The following MGAT4C variants were observed in gnomAD, a reference collection of about 807,000 sequenced individuals.
The protein encoded by MGAT4C is MGAT4 family member C.
MGAT4C carries 19 observed loss-of-function variants against 40.1 expected under a neutral mutation model. That is an observed-to-expected ratio of 0.47 (90% CI 0.33 to 0.70). The LOEUF is 0.70. MGAT4C is among the 30% of genes least tolerant of loss of function. The pLI, the probability that MGAT4C is intolerant of heterozygous loss-of-function variation, is 0.02. For synonymous variants in MGAT4C, 181 were observed against 187.1 expected (o/e 0.97, Z 0.27); for missense variants, 491 against 563.2 (o/e 0.87, Z 1.30).
At chr12:86,759,291 A>G (rs1259008561) in intron 1 of MGAT4C, among the ~76,000 whole-genome samples, 1 of 152,016 alleles carries the variant, frequency 6.6e-6, no homozygotes, top group Non-Finnish European at 1.5e-5. Flanking sequence ...TCATTTGTGG[A>G]GGAACATCCA....
intron 2 of MGAT4C, among the ~76,000 whole-genome samples, chr12:86,559,509 A>C (rs1232089014): frequency 6.6e-6 from 1 of 152,000 alleles, no homozygotes; most frequent in Non-Finnish European, 1.5e-5. Context: ...AAAACTTTAA[A>C]AACTGTAGAA....
chr12:86,702,041 C>T (rs773544026), intron 2 of MGAT4C, among the ~76,000 whole-genome samples: 1 of 151,964 alleles, frequency 6.6e-6, no homozygotes, highest in Non-Finnish European at 1.5e-5. Flanking sequence ...TTTTTTCTCT[C>T]AAATAAGGTC....
chr12:86,392,502 C>T (rs1956177370), intron 3 of MGAT4C, among the ~76,000 whole-genome samples: 1 of 151,348 alleles, frequency 6.6e-6, no homozygotes, highest in Admixed American at 6.6e-5. Context: ...AACAACAAAC[C>T]AGAAGAATTA....
At chr12:86,295,797 G>A (rs974386891) in intron 4 of MGAT4C, among the ~76,000 whole-genome samples, 7 of 151,684 alleles carry the variant, frequency 4.6e-5, no homozygotes, top group African/African-American at 1.5e-4. Flanking sequence ...AAGGCCCCAC[G>A]AGAGCAGCTA....
intron 1 of MGAT4C, among the ~76,000 whole-genome samples, chr12:86,208,681 T>C (rs1037585448): frequency 2.6e-5 from 4 of 152,126 alleles, no homozygotes; most frequent in African/African-American, 4.8e-5. Flanking sequence ...ATTTTTGCCC[T>C]GTTTAACTTT....
At chr12:86,054,221 GA>G (rs1470149764) in intron 1 of MGAT4C, among the ~76,000 whole-genome samples, 3 of 151,894 alleles carry the variant, frequency 2.0e-5, no homozygotes, top group Non-Finnish European at 2.9e-5. Context: ...AATGGATAAA[GA>G]AAAACTATTC....
intron 2 of MGAT4C, among the ~76,000 whole-genome samples, chr12:86,436,533 T>C (rs1475364505): frequency 6.6e-6 from 1 of 151,722 alleles, no homozygotes; most frequent in Non-Finnish European, 1.5e-5. Flanking sequence ...CCACTAACAT[T>C]TTCATGTTTA....
intron 4 of MGAT4C, among the ~76,000 whole-genome samples, chr12:86,288,607 C>CTT (rs1953419314): frequency 6.6e-6 from 1 of 152,098 alleles, no homozygotes; most frequent in African/African-American, 2.4e-5. Flanking sequence ...ATAGGGAATC[C>CTT]TTTCCCTATT....
intron 2 of MGAT4C, among the ~76,000 whole-genome samples, chr12:86,476,313 T>C (rs1425736301): frequency 6.6e-6 from 1 of 151,852 alleles, no homozygotes; most frequent in Non-Finnish European, 1.5e-5. Flanking sequence ...GACATACAAG[T>C]GGCCAAGAAA....
intron 1 of MGAT4C, among the ~76,000 whole-genome samples, chr12:86,145,392 T>A (rs1883382694): frequency 6.6e-6 from 1 of 152,142 alleles, no homozygotes; most frequent in Non-Finnish European, 1.5e-5. Flanking sequence ...TGGGCCCTTG[T>A]GCAAGAAAAA....
At chr12:86,662,850 A>T (rs2136550919) in intron 2 of MGAT4C, among the ~76,000 whole-genome samples, 1 of 152,314 alleles carries the variant, frequency 6.6e-6, no homozygotes, top group Middle Eastern at 3.4e-3. Context: ...AACTTCATTA[A>T]TTCGTGTCAA....
intron 1 of MGAT4C, among the ~76,000 whole-genome samples, chr12:86,241,403 T>C (rs985213933): frequency 2.0e-5 from 3 of 152,214 alleles, no homozygotes; most frequent in African/African-American, 7.2e-5. Flanking sequence ...ACTGGCTGTC[T>C]GAATTCTAAT....
At chr12:86,248,138 T>C (rs1447009337) in intron 1 of MGAT4C, among the ~76,000 whole-genome samples, 1 of 152,130 alleles carries the variant, frequency 6.6e-6, no homozygotes, top group African/African-American at 2.4e-5. Flanking sequence ...ATTTGCTCTT[T>C]AGTGGACATC....
At chr12:86,838,620 C>T (rs180787166) in intron 1 of MGAT4C, 6 of 152,114 alleles carry the variant, frequency 3.9e-5, no homozygotes, top group Non-Finnish European at 8.8e-5. Flanking sequence ...TAGACTATTA[C>T]CTGATAAAGA....
At chr12:86,044,364 G>A (rs769663776) in intron 2 of MGAT4C, among the ~76,000 whole-genome samples, 2 of 152,198 alleles carry the variant, frequency 1.3e-5, no homozygotes, top group African/African-American at 4.8e-5. Flanking sequence ...CATGCCAGCA[G>A]CAGTGGCAGC....
chr12:86,293,820 C>T (rs1295636830), intron 4 of MGAT4C, among the ~76,000 whole-genome samples: 1 of 152,148 alleles, frequency 6.6e-6, no homozygotes, highest in Non-Finnish European at 1.5e-5. Context: ...CCTGCATTCA[C>T]TCACTCCATC....
At chr12:86,299,272 A>C (rs77118597) in intron 4 of MGAT4C, among the ~76,000 whole-genome samples, 4,100 of 152,106 alleles carry the variant, frequency 0.027, 89 homozygotes, top group Admixed American at 0.042. Flanking sequence ...GCATGCCACC[A>C]GGCCCAGCTA....
intron 2 of MGAT4C, among the ~76,000 whole-genome samples, chr12:86,574,305 T>C (rs2136425620): frequency 6.6e-6 from 1 of 151,854 alleles, no homozygotes; most frequent in South Asian, 2.1e-4. Context: ...CAGTGAAAAC[T>C]TCAAGTTCAT....
At chr12:86,807,476 T>A (rs945010236) in intron 1 of MGAT4C, among the ~76,000 whole-genome samples, 1 of 152,154 alleles carries the variant, frequency 6.6e-6, no homozygotes, top group Admixed American at 6.6e-5. Context: ...TGTGGCTGCA[T>A]AGTATTCCAT....
Sources: gnomAD v4.1 joint callset for allele counts (sites outside exome capture counted in the v4.1 genomes callset) on GRCh38, gnomAD v4.1.1 for gene constraint, MANE v1.5 for transcripts, NCBI Gene and HGNC (gene_info 2026-07-23, HGNC 2026-07-21) for gene names.